SHANK2: variants seen among roughly 807,000 people sequenced by gnomAD.
The protein encoded by SHANK2 is SH3 and multiple ankyrin repeat domains protein 2.
A neutral mutation model predicts 133.7 loss-of-function variants in SHANK2; 43 were observed. The ratio of observed to expected loss-of-function variants is 0.32; its 90% CI spans 0.25 to 0.41. The LOEUF (loss-of-function observed/expected upper bound fraction) is 0.41. Among genes scored for constraint, SHANK2 ranks in the 10% least tolerant of loss-of-function variants. The pLI, the probability that SHANK2 is intolerant of heterozygous loss-of-function variation, is 1.00. For synonymous variants in SHANK2, 1,017 were observed against 952.8 expected (o/e 1.07, Z -1.24); for missense variants, 1,994 against 2,235.8 (o/e 0.89, Z 2.18).
intron 17 of SHANK2, among the ~76,000 whole-genome samples, chr11:70,589,847 A>G (rs7925812): frequency 0.32 from 49,411 of 152,084 alleles, 9,088 homozygotes; most frequent in African/African-American, 0.5. Flanking sequence ...GAAACAGCAG[A>G]AGAACTAGAA....
rs117034582 is a variant in SHANK2, at chr11:70,575,492, C to G, written c.2062-72561G>C. Among the ~76,000 whole-genome samples, 129 of 145,058 alleles carry G rather than the reference C, an allele frequency of 8.9e-4. 1 individual carries two copies. In the East Asian group the frequency reaches 0.02, roughly 23 times the overall value. The stretch of plus-strand genomic sequence containing the variant: ...TGAGATTGTGCCACTGCACTCCAGC[C>G]AGGGCAACAAATTGAGACTCTGCCT... On this transcript the variant is annotated intron_variant, in intron 17 of 25. Coordinates refer to ENST00000601538, the MANE Select transcript of SHANK2 (RefSeq NM_012309.5).
intron 11 of SHANK2, among the ~76,000 whole-genome samples, chr11:70,841,054 A>G (rs1948895487): frequency 6.6e-6 from 1 of 152,048 alleles, no homozygotes; most frequent in Non-Finnish European, 1.5e-5. Flanking sequence ...CTTGAGGTCC[A>G]GAGTTCAAGA....
chr11:70,920,022 C>G (rs782374764), intron 10 of SHANK2, among the ~76,000 whole-genome samples: 1 of 152,114 alleles, frequency 6.6e-6, no homozygotes, highest in Non-Finnish European at 1.5e-5. Flanking sequence ...TCAAGTTTAC[C>G]AGCTGTAGCA....
chr11:70,513,184 A>G (rs2059224739), intron 17 of SHANK2, among the ~76,000 whole-genome samples: 1 of 151,838 alleles, frequency 6.6e-6, no homozygotes, highest in Admixed American at 6.6e-5. Context: ...TTAAATCCAG[A>G]TCCTGCACAA....
chr11:70,787,186 C>T (rs1447935349), intron 14 of SHANK2, among the ~76,000 whole-genome samples: 1 of 101,616 alleles, frequency 9.8e-6, no homozygotes, highest in Admixed American at 8.6e-5. Context: ...CCACCACCAA[C>T]ACCAGCATCA....
chr11:70,890,888 C>T (rs1181058068), intron 11 of SHANK2, among the ~76,000 whole-genome samples: 3 of 151,502 alleles, frequency 2.0e-5, no homozygotes, highest in Non-Finnish European at 2.9e-5. Context: ...CGCTTGAACC[C>T]GGGAGGCGGA....
At chr11:71,059,372 TGGTGGTGATGGTTGAC>T (rs1230862109) in intron 9 of SHANK2, among the ~76,000 whole-genome samples, 7 of 151,896 alleles carry the variant, frequency 4.6e-5, no homozygotes, top group Non-Finnish European at 7.4e-5. Context: ...TGATGGTCGA[TGGTGGTGATGGTTGAC>T]GGTGGTGATG....
intron 16 of SHANK2, among the ~76,000 whole-genome samples, 159 bp from the exon 17 acceptor site, chr11:70,660,111 T>G (rs1240670853): frequency 6.6e-6 from 1 of 152,164 alleles, no homozygotes; most frequent in East Asian, 1.9e-4. Context: ...GGCTTGAGAT[T>G]CATACTCATG....
At chr11:70,688,685 A>G (rs1477919208) in intron 15 of SHANK2, among the ~76,000 whole-genome samples, 1 of 152,208 alleles carries the variant, frequency 6.6e-6, no homozygotes, top group African/African-American at 2.4e-5. Context: ...TGATCTTGTC[A>G]TGGGGCTGGC....
chr11:70,953,690 T>C (rs1278796688), intron 10 of SHANK2, among the ~76,000 whole-genome samples: 2 of 152,170 alleles, frequency 1.3e-5, no homozygotes, highest in Non-Finnish European at 2.9e-5. Context: ...CCCACCCATA[T>C]TGAGGGTGGG....
rs140575517 is a variant in SHANK2 at position 70,798,205 on chromosome 11, T to C, written c.1777+238A>G. ...TACGGTCCAGGTTTTCTGGGACGTG[T>C]ACTGAGCAGCCTTTTAACTAAAAGC... On this transcript the variant is annotated intron_variant, in intron 14 of 25. Transcript: ENST00000601538. 1.8e-4 allele frequency among the ~76,000 whole-genome samples: 28 copies of C among 152,326 alleles called. 1 individual carries two copies. The East Asian group carries it at 5.4e-3, about 29-fold the overall frequency.
intron 14 of SHANK2, among the ~76,000 whole-genome samples, chr11:70,731,221 T>C (rs1261173688): frequency 1.3e-5 from 2 of 152,280 alleles, no homozygotes; most frequent in East Asian, 1.9e-4. Context: ...AGAAAGACTA[T>C]GTGGGGACAC....
intron 14 of SHANK2, among the ~76,000 whole-genome samples, chr11:70,788,977 T>C (rs781843556): frequency 2.0e-5 from 3 of 152,080 alleles, no homozygotes; most frequent in Non-Finnish European, 2.9e-5. Context: ...CCTTGGGGTG[T>C]GGGGCTGGTG....
intron 17 of SHANK2, among the ~76,000 whole-genome samples, chr11:70,630,268 G>T (rs1332035565): frequency 1.3e-5 from 2 of 152,226 alleles, no homozygotes; most frequent in East Asian, 3.9e-4. Flanking sequence ...GATGCCCCAG[G>T]TCCCAGGCCC....
At chr11:70,853,494 A>G (rs989136044) in intron 11 of SHANK2, among the ~76,000 whole-genome samples, 5 of 152,132 alleles carry the variant, frequency 3.3e-5, no homozygotes, top group Admixed American at 6.5e-5. Context: ...CGTCTTTCTC[A>G]GTCTCTTTAT....
intron 14 of SHANK2, among the ~76,000 whole-genome samples, chr11:70,722,947 G>C (rs1476650330): frequency 6.6e-6 from 1 of 152,150 alleles, no homozygotes; most frequent in African/African-American, 2.4e-5. Flanking sequence ...TACTTTGTTA[G>C]ATAAAAATCT....
intron 11 of SHANK2, among the ~76,000 whole-genome samples, chr11:70,843,547 C>A (rs1555062327): frequency 6.6e-6 from 1 of 151,910 alleles, no homozygotes; most frequent in Non-Finnish European, 1.5e-5. Context: ...TCATTGATGT[C>A]CTTGAAGAAG....
chr11:70,696,676 T>C (rs1449969482), intron 15 of SHANK2, among the ~76,000 whole-genome samples: 1 of 152,200 alleles, frequency 6.6e-6, no homozygotes, highest in Non-Finnish European at 1.5e-5. Context: ...GGAGGGGTCT[T>C]GGCTCCTCTC....
At chr11:70,794,370 G>C (rs895838400) in intron 14 of SHANK2, among the ~76,000 whole-genome samples, 2 of 151,762 alleles carry the variant, frequency 1.3e-5, no homozygotes, top group Non-Finnish European at 2.9e-5. Flanking sequence ...AGTTGGGCCC[G>C]AGAGTACAAG....
Sources: gnomAD v4.1 joint callset for allele counts (sites outside exome capture counted in the v4.1 genomes callset) on GRCh38, gnomAD v4.1.1 for gene constraint, MANE v1.5 for transcripts, NCBI Gene and HGNC (gene_info 2026-07-23, HGNC 2026-07-21) for gene names.